MYH11: variants seen among roughly 807,000 people sequenced by gnomAD.
MYH11 encodes myosin heavy chain 11.
A neutral mutation model predicts 246.6 loss-of-function variants in MYH11; 80 were observed. That is an observed-to-expected ratio of 0.32 (90% CI 0.27 to 0.39). The LOEUF (loss-of-function observed/expected upper bound fraction) is 0.39. Ranked by LOEUF, MYH11 falls within the 10% of genes least tolerant of loss-of-function variation. The pLI is 1.00. For missense variants in MYH11, 2,158 were observed against 2,546.8 expected (o/e 0.85, Z 3.29); for synonymous variants, 1,071 against 1,015.5 (o/e 1.05, Z -1.04).
intron 6 of MYH11, among the ~76,000 whole-genome samples, chr16:15,780,474 CTT>C (rs71134460): frequency 7.2e-5 from 5 of 69,008 alleles, no homozygotes; most frequent in African/African-American, 1.8e-4. Flanking sequence ...GATTTTTACG[CTT>C]TTTTTTTTTT....
intron 1 of MYH11, among the ~76,000 whole-genome samples, chr16:15,851,458 A>G (rs1042848873): frequency 2.6e-5 from 4 of 152,170 alleles, no homozygotes; most frequent in Non-Finnish European, 5.9e-5. Context: ...TGGAAGGTAA[A>G]TGCAAGACCC....
At chr16:15,756,247 C>G in intron 14 of MYH11, 94 bp downstream of exon 14, 1 of 1,415,960 alleles carries the variant, frequency 7.1e-7, no homozygotes. Flanking sequence ...AGTTTCCAGG[C>G]AGCCCAAGGT....
Position 15,758,063 on chromosome 16 carries a change from C to T in MYH11, c.1402-63G>A. 4.4e-6 allele frequency: 7 copies of T among 1,609,048 alleles called. No homozygotes were observed. In the South Asian group the frequency reaches 5.5e-5, roughly 13 times the overall value. ...GGTATGAAGTCAGAAGACAAGGAGC[C>T]CCACAGAAGCTCCACCCGACAGCGC... On this transcript the variant is annotated intron_variant, in intron 12 of 40. Transcript: ENST00000300036.
intron 4 of MYH11, among the ~76,000 whole-genome samples, chr16:15,793,535 C>T (rs2042663969): frequency 1.3e-5 from 2 of 152,090 alleles, no homozygotes; most frequent in Admixed American, 1.3e-4. Context: ...TCCAGCCACC[C>T]TCCCGCCTCG....
At chr16:15,723,914 A>C (rs1245312739) in intron 31 of MYH11, among the ~76,000 whole-genome samples, 1 of 152,244 alleles carries the variant, frequency 6.6e-6, no homozygotes, top group Non-Finnish European at 1.5e-5. Context: ...CCATGTGTGC[A>C]GGTGACCCTC....
At chr16:15,829,797 A>T (rs1189963708) in intron 2 of MYH11, among the ~76,000 whole-genome samples, 1 of 152,050 alleles carries the variant, frequency 6.6e-6, no homozygotes, top group East Asian at 1.9e-4. Flanking sequence ...GAAATGAGGA[A>T]CAGGGAGGGA....
At chr16:15,735,243 C>T (rs572670115) in intron 26 of MYH11, 123 bp downstream of exon 26, 17 of 1,065,358 alleles carry the variant, frequency 1.6e-5, no homozygotes, top group East Asian at 2.4e-5. Context: ...TAAAGCAAAC[C>T]GCGGCCAGGA....
intron 13 of MYH11, among the ~76,000 whole-genome samples, chr16:15,756,793 CTTTTTTTTTTTT>C (rs60486632): frequency 1.2e-5 from 1 of 84,564 alleles, no homozygotes. Context: ...GTTCATAACT[CTTTTTTTTTTTT>C]TTTTTTTTTT....
chr16:15,784,463 C>T (rs1478338752), intron 5 of MYH11, among the ~76,000 whole-genome samples: 1 of 152,096 alleles, frequency 6.6e-6, no homozygotes, highest in Non-Finnish European at 1.5e-5. Flanking sequence ...GAGCGCAACC[C>T]TGGGGACTCC....
At chr16:15,775,790 G>A (rs924072534) in intron 8 of MYH11, 2 of 479,610 alleles carry the variant, frequency 4.2e-6, no homozygotes, top group Admixed American at 3.7e-5. Flanking sequence ...GTGTCTAGTT[G>A]GACTTGATGC....
intron 20 of MYH11, 96 bp from the exon 21 acceptor site, chr16:15,741,987 T>C: frequency 6.5e-7 from 1 of 1,534,034 alleles, no homozygotes; most frequent in Non-Finnish European, 8.8e-7. Flanking sequence ...GGGACAATGT[T>C]GCCCCCACCG....
At chr16:15,707,452 C>T (rs998369372) in intron 40 of MYH11, among the ~76,000 whole-genome samples, 2 of 152,124 alleles carry the variant, frequency 1.3e-5, no homozygotes, top group Non-Finnish European at 2.9e-5. Flanking sequence ...GCACTTCAGC[C>T]CACCCTGGAA....
chr16:15,753,549 A>G, intron 14 of MYH11, 41 bp from the exon 15 acceptor site: 1 of 1,499,204 alleles, frequency 6.7e-7, no homozygotes, highest in South Asian at 1.1e-5. Context: ...CTGGGAAACT[A>G]GAAACTTAGA....
chr16:15,798,700 A>G lies in MYH11; in HGVS notation c.503-13T>C, dbSNP rs1343853216. On this transcript the variant is annotated splice_polypyrimidine_tract_variant and intron_variant, in intron 3 of 40. Transcript: ENST00000300036. ...TGGTCCTCCCGATCTGCAAACAGAA[A>G]GAAGAAAAAAGAGCCATGAATTAAA... The G allele has an allele frequency of 6.3e-7, 1 of 1,594,144 alleles. No individual in the cohort carries two copies. Among genetic ancestry groups the G allele is most frequent in the Admixed American group, 1.7e-5 (1 of 59,072 alleles).
chr16:15,830,307 C>A (rs2043699170), intron 2 of MYH11, among the ~76,000 whole-genome samples: 1 of 152,176 alleles, frequency 6.6e-6, no homozygotes, highest in Non-Finnish European at 1.5e-5. Flanking sequence ...AACCTAGAGA[C>A]AGACGTGGTC....
intron 22 of MYH11, chr16:15,741,100 G>C (rs1035290171): frequency 7.7e-6 from 3 of 389,888 alleles, no homozygotes; most frequent in African/African-American, 6.2e-5. Flanking sequence ...CCCTCAGCCA[G>C]AACCACTCAC....
intron 1 of MYH11, among the ~76,000 whole-genome samples, chr16:15,851,488 T>A (rs1180278445): frequency 6.6e-6 from 1 of 151,836 alleles, no homozygotes; most frequent in Non-Finnish European, 1.5e-5. Flanking sequence ...AAATTTGGAG[T>A]CAGGAGTACA....
rs150389716 is a variant in MYH11 at position 15,775,703 on chromosome 16, C to T, written c.889+375G>A. 12 of 245,896 alleles carry T rather than the reference C, an allele frequency of 4.9e-5. No homozygotes were observed. In the Admixed American group the frequency reaches 5.6e-4, roughly 12 times the overall value. The allele number at this position is 245,896 out of a possible 1,614,324, so 15.2% of individuals were successfully genotyped here. A position where few individuals can be genotyped will look rare whatever the true frequency, so the allele number is the denominator to read the frequency against. ...GCAAATTCCTTATAAAACCAGAATG[C>T]ATCTTTTATATTTGCAAGTTTTATA... On this transcript the variant is annotated intron_variant, in intron 8 of 40. Coordinates refer to ENST00000300036, the MANE Select transcript of MYH11 (RefSeq NM_002474.3).
At position 15,727,017 on chromosome 16, in the gene MYH11, T is replaced by C; in HGVS notation, c.3689A>G (p.Glu1230Gly). ...CCCGGCCAGGTCTGCGTTCTCTTTCTCCAGCGTCTGCTTATTCTTGTCTAG... is the reference window on the plus strand; with the variant it reads ...CCCGGCCAGGTCTGCGTTCTCTTTCCCCAGCGTCTGCTTATTCTTGTCTAG... Reference protein sequence around the residue: ...ANLDKNKQTLEKENADLAGEL... With the variant: ...ANLDKNKQTLGKENADLAGEL... Residue 1230 changes from glutamate (E) to glycine (G), a missense_variant, in exon 28 of 41, where the codon GAG (glutamate) becomes GGG (glycine). Transcript: ENST00000300036. 1 of 1,611,886 alleles carries C rather than the reference T, an allele frequency of 6.2e-7. No homozygotes were observed. The highest frequency in any genetic ancestry group is 1.1e-5 in the South Asian group (1 of 90,844).
Sources: gnomAD v4.1 joint callset for allele counts (sites outside exome capture counted in the v4.1 genomes callset) on GRCh38, gnomAD v4.1.1 for gene constraint, MANE v1.5 for transcripts, NCBI Gene and HGNC (gene_info 2026-07-23, HGNC 2026-07-21) for gene names.